Variants in IFI44L observed in about 807,000 individuals in gnomAD.
IFI44L encodes interferon induced protein 44 like, also known as interferon-induced protein 44-like.
Under a neutral mutation model 39.3 loss-of-function variants are expected in IFI44L, and 40 were observed. The ratio of observed to expected loss-of-function variants is 1.02; its 90% CI spans 0.79 to 1.33. The LOEUF (loss-of-function observed/expected upper bound fraction) is 1.33, where lower values mean the gene tolerates loss of function less well. IFI44L is among the 40% of genes most tolerant of loss of function. The pLI is 0.00. For synonymous variants in IFI44L, 198 were observed against 182.3 expected (o/e 1.09, Z -0.69); for missense variants, 623 against 549.0 (o/e 1.13, Z -1.35).
chr1:78,639,804 G>T (rs922288557), intron 6 of IFI44L, among the ~76,000 whole-genome samples: 2 of 152,064 alleles, frequency 1.3e-5, no homozygotes, highest in African/African-American at 4.8e-5. Flanking sequence ...CCAAAGCCTC[G>T]TTGCTTACTT....
Position 78,628,098 on chromosome 1 carries a change from T to G in IFI44L, c.183T>G (p.Ile61Met). ...TGGCTTACATTGATTACAATATGAT[T>G]GTAGCCTTTATGCTTGGAAATTATA... ...ITMAYIDYNM[I>M]VAFMLGNYIN... is the part of the protein sequence containing the mutation. The change falls in exon 2 of 9, where the codon ATT becomes ATG. Residue 61 changes from isoleucine to methionine, a missense_variant. By Grantham distance (10) the Ile-to-Met change is conservative. Transcript: ENST00000370751. 1.2e-6 allele frequency: 2 copies of G among 1,613,024 alleles called. No individual in the cohort carries two copies. Among genetic ancestry groups the G allele is most frequent in the Non-Finnish European group, 1.7e-6 (2 of 1,179,494 alleles).
At chr1:78,635,231 G>T in intron 4 of IFI44L, 106 bp from the exon 5 acceptor site, 1 of 870,096 alleles carries the variant, frequency 1.1e-6, no homozygotes. Flanking sequence ...CAAACTGTTT[G>T]AGGACCATGG....
In IFI44L at chr1:78,635,675, A is replaced by G. The variant is rs570259333; in HGVS notation, c.876+186A>G. ...AGTGACTATTGTTCTTTTCTGTAAC[A>G]TTGAGAAATAAAGCCAAAAGGCAGG... is the stretch of plus-strand genomic sequence containing the variant. On this transcript the variant is annotated intron_variant, in intron 5 of 8. Transcript: ENST00000370751. 5 of 591,464 alleles carry G rather than the reference A, an allele frequency of 8.5e-6. No individual in the cohort carries two copies. The South Asian group carries it at 1.1e-4, about 13-fold the overall frequency. The allele number at this position is 591,464 out of a possible 1,614,324, so 36.6% of individuals were successfully genotyped here. A position where few individuals can be genotyped will look rare whatever the true frequency, so the allele number is the denominator to read the frequency against.
Position 78,642,127 on chromosome 1 carries a change from C to T in IFI44L, c.*318C>T. On this transcript the variant is annotated 3_prime_UTR_variant, in exon 9 of 9. Coordinates refer to ENST00000370751, the MANE Select transcript of IFI44L (RefSeq NM_006820.4). ...CACTCTATATAGAGCTATGTGAGTA[C>T]TAATCACATTGAATAATAGTTATAA... 1 of 387,798 alleles carries T rather than the reference C, an allele frequency of 2.6e-6. No homozygotes were observed. Among genetic ancestry groups the T allele is most frequent in the Middle Eastern group, 7.4e-4 (1 of 1,358 alleles). The allele number at this position is 387,798 out of a possible 1,614,324, so 24.0% of individuals were successfully genotyped here. A position where few individuals can be genotyped will look rare whatever the true frequency, so the allele number is the denominator to read the frequency against.
chr1:78,626,723 T>G (rs1309335780), intron 1 of IFI44L: 2 of 151,118 alleles, frequency 1.3e-5, no homozygotes, highest in African/African-American at 2.4e-5. Flanking sequence ...GTATAAGTGG[T>G]TTTTTTTTAC....
chr1:78,622,940 G>A (rs1346050336), intron 1 of IFI44L, among the ~76,000 whole-genome samples: 1 of 152,198 alleles, frequency 6.6e-6, no homozygotes, highest in Non-Finnish European at 1.5e-5. Context: ...GAAAAATTCT[G>A]AAGCAGAGAA....
chr1:78,641,801 T>C lies in IFI44L; in HGVS notation c.1351T>C (p.Cys451Arg), dbSNP rs754630565. The stretch of plus-strand genomic sequence containing the variant: ...TGCAATTGAGAGAGCGTTACAGCCC[T>C]GCATTTGAGATAAGTTGCCTTGATT... The part of the protein sequence containing the change: ...TGAIERALQP[C>R]I The change falls in exon 9 of 9, where the codon TGC becomes CGC. Residue 451 changes from cysteine to arginine, a missense_variant. Physicochemically the swap from Cys to Arg is radical, Grantham distance 180. Transcript: ENST00000370751. 1 of 1,613,574 alleles carries C rather than the reference T, an allele frequency of 6.2e-7. No individual in the cohort carries two copies. The highest frequency in any genetic ancestry group is 8.5e-7 in the Non-Finnish European group (1 of 1,179,644).
At chr1:78,636,148 C>A (rs947735875) in intron 5 of IFI44L, among the ~76,000 whole-genome samples, 9 of 152,016 alleles carry the variant, frequency 5.9e-5, no homozygotes, top group African/African-American at 2.2e-4. Flanking sequence ...TCTTTTGCCT[C>A]CCAATTGTGC....
At chr1:78,640,939 A>G in intron 6 of IFI44L, 82 bp from the exon 7 acceptor site, 2 of 918,390 alleles carry the variant, frequency 2.2e-6, no homozygotes, top group Non-Finnish European at 1.8e-6. Flanking sequence ...CACCCTATAG[A>G]GTTGCCTTCA....
intron 1 of IFI44L, chr1:78,626,817 T>G (rs922039696): frequency 6.6e-6 from 1 of 152,068 alleles, no homozygotes; most frequent in Non-Finnish European, 1.5e-5. Context: ...ATATGTAGTT[T>G]TTTTTAATCC....
chr1:78,622,164 C>T (rs1205603219), intron 1 of IFI44L, among the ~76,000 whole-genome samples: 1 of 152,158 alleles, frequency 6.6e-6, no homozygotes, highest in African/African-American at 2.4e-5. Context: ...TTTAGCTGAT[C>T]TAAAATGATG....
At position 78,635,457 on chromosome 1, in the gene IFI44L, A is replaced by G. The variant is rs763206657; in HGVS notation, c.844A>G (p.Ile282Val). 3.7e-6 allele frequency: 6 copies of G among 1,613,410 alleles called. No individual in the cohort carries two copies. The highest frequency in any genetic ancestry group is 4.2e-6 in the Non-Finnish European group (5 of 1,179,706). Residue 282 changes from isoleucine to valine, a missense_variant, in exon 5 of 9, where the codon ATC (isoleucine) becomes GTC (valine). Coordinates refer to ENST00000370751, the MANE Select transcript of IFI44L (RefSeq NM_006820.4). ...ACTGTGCATGGATGACATTCCCCAC[A>G]TCTTAAAAGGTTGTATGCCAGACAG... Reference protein sequence around the residue: ...AGLCMDDIPHILKGCMPDRYQ... With the variant: ...AGLCMDDIPHVLKGCMPDRYQ...
At chr1:78,634,530 G>A (rs373210694) in intron 4 of IFI44L, among the ~76,000 whole-genome samples, 2 of 152,178 alleles carry the variant, frequency 1.3e-5, no homozygotes, top group African/African-American at 4.8e-5. Flanking sequence ...TTTCCTGGAT[G>A]AACAAAAGCT....
At chr1:78,626,368 T>A (rs1475478678) in intron 1 of IFI44L, 1 of 152,064 alleles carries the variant, frequency 6.6e-6, no homozygotes, top group Non-Finnish European at 1.5e-5. Flanking sequence ...AACTCCAGTA[T>A]AAGTATGTGT....
At chr1:78,623,422 T>G (rs1652359371) in intron 1 of IFI44L, among the ~76,000 whole-genome samples, 1 of 138,568 alleles carries the variant, frequency 7.2e-6, no homozygotes, top group Non-Finnish European at 1.6e-5. Flanking sequence ...TTTTTTTTTT[T>G]TTTTAAATCA....
chr1:78,628,226 C>T lies in IFI44L; in HGVS notation c.311C>T (p.Ala104Val). 3 of 1,612,456 alleles carry T rather than the reference C, an allele frequency of 1.9e-6. No homozygotes were observed. The highest frequency in any genetic ancestry group is 2.5e-6 in the Non-Finnish European group (3 of 1,179,294). The change falls in exon 2 of 9, where the codon GCA becomes GTA. Residue 104 changes from alanine (A) to valine (V), a missense_variant. Ala to Val is a moderately conservative substitution (Grantham distance 64). Coordinates refer to ENST00000370751, the MANE Select transcript of IFI44L (RefSeq NM_006820.4). Reference protein sequence around the residue: ...TEIETLLLNTAPKIIDEQLVC... With the variant: ...TEIETLLLNTVPKIIDEQLVC... ...ATAGAAACTTTACTCTTAAATACAGCACCAAAAATTATTGATGAGCAACTG... is the reference window on the plus strand; with the variant it reads ...ATAGAAACTTTACTCTTAAATACAGTACCAAAAATTATTGATGAGCAACTG...
intron 4 of IFI44L, among the ~76,000 whole-genome samples, chr1:78,634,373 A>G (rs1652862440): frequency 6.6e-6 from 1 of 152,182 alleles, no homozygotes; most frequent in South Asian, 2.1e-4. Context: ...GACTAGCAGC[A>G]GACTTAGCAG....
At chr1:78,634,836 GT>G (rs59205925) in intron 4 of IFI44L, among the ~76,000 whole-genome samples, 14 of 147,920 alleles carry the variant, frequency 9.5e-5, no homozygotes, top group East Asian at 4.0e-4. Context: ...AATGTGGAGT[GT>G]TTTTTTTTTC....
intron 4 of IFI44L, among the ~76,000 whole-genome samples, chr1:78,630,862 C>T (rs1258285009): frequency 1.3e-5 from 2 of 151,760 alleles, no homozygotes; most frequent in African/African-American, 2.4e-5. Flanking sequence ...TGGCAAGGTA[C>T]GGCAGCACAA....
Sources: gnomAD v4.1 joint callset for allele counts (sites outside exome capture counted in the v4.1 genomes callset) on GRCh38, gnomAD v4.1.1 for gene constraint, MANE v1.5 for transcripts, NCBI Gene and HGNC (gene_info 2026-07-23, HGNC 2026-07-21) for gene names.